The following TSHZ2 variants were observed in gnomAD, a reference collection of about 807,000 sequenced individuals.
TSHZ2 encodes teashirt zinc finger homeobox 2.
A neutral mutation model predicts 74.4 loss-of-function variants in TSHZ2; 21 were observed. The observed-to-expected ratio is 0.28, with a 90% confidence interval of 0.20 to 0.41. TSHZ2 has a LOEUF of 0.41. Among genes scored for constraint, TSHZ2 ranks in the 10% least tolerant of loss-of-function variants. TSHZ2 has a pLI of 1.00. For synonymous variants in TSHZ2, 540 were observed against 515.3 expected, an observed-to-expected ratio of 1.05 and a Z score of -0.65; for missense variants, 1,244 against 1,293.5, an observed-to-expected ratio of 0.96 and a Z score of 0.59.
intron 1 of TSHZ2, among the ~76,000 whole-genome samples, chr20:53,023,161 G>A (rs991369433): frequency 1.3e-5 from 2 of 152,162 alleles, no homozygotes; most frequent in African/African-American, 4.8e-5. Context: ...TAGAAGTCTT[G>A]CTGGTTGAAG....
chr20:53,185,165 A>C, intron 1 of TSHZ2: 1 of 983,082 alleles, frequency 1.0e-6, no homozygotes, highest in African/African-American at 1.7e-5. Context: ...AGATTGAGCC[A>C]ATTGTTTTGA....
At position 53,256,479 on chromosome 20, in the gene TSHZ2, T is replaced by C. The variant is rs1437098716; in HGVS notation, c.3021T>C (p.His1007=). 2.5e-6 allele frequency: 4 copies of C among 1,613,942 alleles called. No homozygotes were observed. The highest frequency in any genetic ancestry group is 3.4e-6 in the Non-Finnish European group (4 of 1,179,840). The part of the protein sequence containing the change: ...KLCCRTFVSK[H]AVKLHLSKTH... Reference sequence around the variant, plus strand: ...GCTGTCGGACATTTGTGAGCAAACATGCGGTAAAACTCCACCTAAGCAAAA... The same window carrying C: ...GCTGTCGGACATTTGTGAGCAAACACGCGGTAAAACTCCACCTAAGCAAAA... Residue 1007 remains histidine, a synonymous_variant, in exon 2 of 3, where the codon CAT becomes CAC. Coordinates refer to ENST00000371497, the MANE Select transcript of TSHZ2 (RefSeq NM_173485.6). This position sits in a 1 kb window ranked among gnomAD's most constrained non-coding sequence, Gnocchi z 4.3.
intron 1 of TSHZ2, among the ~76,000 whole-genome samples, chr20:53,085,755 C>T (rs536327663): frequency 6.6e-6 from 1 of 152,298 alleles, no homozygotes; most frequent in East Asian, 1.9e-4. Context: ...AAACACTATG[C>T]CCCCAGGATT....
intron 2 of TSHZ2, among the ~76,000 whole-genome samples, chr20:53,304,846 G>T (rs967247307): frequency 6.6e-6 from 1 of 152,094 alleles, no homozygotes; most frequent in African/African-American, 2.4e-5. Context: ...TAGCCAAAAT[G>T]GTCTCGATCT....
chr20:53,253,431 A>C, intron 1 of TSHZ2, 68 bp from the exon 2 acceptor site: 1 of 1,519,528 alleles, frequency 6.6e-7, no homozygotes, highest in East Asian at 2.3e-5. Context: ...CACTTAGTCT[A>C]TGTGAGGAAA....
intron 1 of TSHZ2, among the ~76,000 whole-genome samples, chr20:53,136,626 A>G (rs1987252343): frequency 6.6e-6 from 1 of 152,176 alleles, no homozygotes; most frequent in African/African-American, 2.4e-5. Flanking sequence ...CTCCCTCCCA[A>G]ACACTGGAAC....
chr20:53,394,548 C>G (rs1982373179), intron 2 of TSHZ2, among the ~76,000 whole-genome samples: 1 of 151,906 alleles, frequency 6.6e-6, no homozygotes, highest in African/African-American at 2.4e-5. Context: ...TGAACTAGAC[C>G]CATCCAGTCC....
At chr20:53,067,033 A>G (rs1397263578) in intron 1 of TSHZ2, among the ~76,000 whole-genome samples, 5 of 152,226 alleles carry the variant, frequency 3.3e-5, no homozygotes, top group Non-Finnish European at 7.3e-5. Context: ...AGAAAGGTAG[A>G]TTTCTGAAGG....
chr20:53,334,281 A>AT (rs1314191391), intron 2 of TSHZ2, among the ~76,000 whole-genome samples: 2 of 152,196 alleles, frequency 1.3e-5, no homozygotes, highest in African/African-American at 2.4e-5. Flanking sequence ...AGGTCAAGGG[A>AT]TACAGTGTTT....
intron 1 of TSHZ2, among the ~76,000 whole-genome samples, chr20:53,152,186 A>AT (rs200285831): frequency 8.6e-5 from 13 of 151,220 alleles, no homozygotes; most frequent in Admixed American, 1.3e-4. Context: ...GATTGGCAAC[A>AT]TTTTTTTTTC....
At chr20:53,447,057 T>C (rs542314600) in intron 2 of TSHZ2, among the ~76,000 whole-genome samples, 4 of 152,316 alleles carry the variant, frequency 2.6e-5, no homozygotes, top group African/African-American at 7.2e-5. Flanking sequence ...CCTTTTTCAC[T>C]CCATCACCTT....
intron 2 of TSHZ2, among the ~76,000 whole-genome samples, chr20:53,469,045 T>TTATATA (rs143724013): frequency 0.1 from 4,953 of 48,288 alleles, 521 homozygotes; most frequent in Non-Finnish European, 0.12. Context: ...AATCGATATT[T>TTATATA]TATATATATA....
chr20:53,079,234 A>G (rs972445190), intron 1 of TSHZ2, among the ~76,000 whole-genome samples: 2 of 152,220 alleles, frequency 1.3e-5, no homozygotes, highest in African/African-American at 4.8e-5. Flanking sequence ...AAAAATGCAC[A>G]CTGGACTTAA....
intron 1 of TSHZ2, among the ~76,000 whole-genome samples, chr20:53,124,413 T>C (rs1158258600): frequency 6.6e-6 from 1 of 152,158 alleles, no homozygotes; most frequent in Non-Finnish European, 1.5e-5. Flanking sequence ...AAGGACTAGG[T>C]CACTGATCAG....
intron 1 of TSHZ2, among the ~76,000 whole-genome samples, chr20:53,195,395 G>A (rs1250192470): frequency 1.3e-5 from 2 of 152,142 alleles, no homozygotes; most frequent in Non-Finnish European, 2.9e-5. Flanking sequence ...GTAAGCTGAT[G>A]AAAACAACTA....
At chr20:53,335,534 G>A (rs1346945495) in intron 2 of TSHZ2, among the ~76,000 whole-genome samples, 1 of 152,180 alleles carries the variant, frequency 6.6e-6, no homozygotes, top group Non-Finnish European at 1.5e-5. Flanking sequence ...CTCAATGGTG[G>A]GAATCCCACA....
intron 1 of TSHZ2, among the ~76,000 whole-genome samples, chr20:53,172,148 A>G (rs1286479373): frequency 1.3e-5 from 2 of 152,268 alleles, no homozygotes; most frequent in African/African-American, 4.8e-5. Flanking sequence ...AGCAATGTCT[A>G]TCTACTTTAA....
intron 1 of TSHZ2, among the ~76,000 whole-genome samples, chr20:52,998,784 A>T (rs1305746980): frequency 6.6e-6 from 1 of 152,208 alleles, no homozygotes; most frequent in Non-Finnish European, 1.5e-5. Flanking sequence ...AGCTCAATAA[A>T]TATTTGTTCA....
chr20:53,350,584 T>G (rs1268395896), intron 2 of TSHZ2, among the ~76,000 whole-genome samples: 1 of 152,192 alleles, frequency 6.6e-6, no homozygotes, highest in African/African-American at 2.4e-5. Context: ...GATAGCACAG[T>G]CCTCCAGTGC....
Sources: gnomAD v4.1 joint callset for allele counts (sites outside exome capture counted in the v4.1 genomes callset) on GRCh38, gnomAD v4.1.1 for gene constraint, Gnocchi (gnomAD v3.1) non-coding constraint, MANE v1.5 for transcripts, NCBI Gene and HGNC (gene_info 2026-07-23, HGNC 2026-07-21) for gene names.